The following NOS1AP variants were observed in gnomAD, a reference collection of about 807,000 sequenced individuals.
The protein encoded by NOS1AP is nitric oxide synthase 1 adaptor protein, also known as carboxyl-terminal PDZ ligand of neuronal nitric oxide synthase protein.
NOS1AP carries 21 observed loss-of-function variants against 56.2 expected under a neutral mutation model. The observed-to-expected ratio is 0.37, with a 90% CI of 0.26 to 0.54. NOS1AP has a LOEUF of 0.54. Ranked by LOEUF, NOS1AP falls within the 20% of genes least tolerant of loss-of-function variation. The pLI is 0.84. For synonymous variants in NOS1AP, 270 were observed against 274.6 expected, an observed-to-expected ratio of 0.98 and a Z score of 0.17; for missense variants, 522 against 657.8, an observed-to-expected ratio of 0.79 and a Z score of 2.26.
Position 162,178,919 on chromosome 1 carries a change from C to T in NOS1AP, c.177+24443C>T, listed in dbSNP as rs528857809. Among the ~76,000 whole-genome samples, 20 of 152,238 alleles carry T rather than the reference C, an allele frequency of 1.3e-4. 3 individuals are homozygous for T. Among genetic ancestry groups the T allele is most frequent in the African/African-American group, 4.8e-4 (20 of 41,548 alleles). On this transcript the variant is annotated intron_variant, in intron 2 of 9. Coordinates refer to ENST00000361897, the MANE Select transcript of NOS1AP (RefSeq NM_014697.3). ...AAGACTAGTTTAGTCCGTCTTATAC[C>T]TATCACTCAGGTCCTGGAATTACCA...
intron 2 of NOS1AP, among the ~76,000 whole-genome samples, chr1:162,238,372 G>A (rs1165058322): frequency 6.6e-6 from 1 of 152,110 alleles, no homozygotes; most frequent in African/African-American, 2.4e-5. Context: ...CAGGGGAAGG[G>A]TTAGGGCTTC....
At chr1:162,344,501 G>A (rs1657210818) in intron 6 of NOS1AP, among the ~76,000 whole-genome samples, 1 of 151,978 alleles carries the variant, frequency 6.6e-6, no homozygotes, top group African/African-American at 2.4e-5. Flanking sequence ...TTCAAGACTA[G>A]CCTGGCCAAC....
intron 2 of NOS1AP, among the ~76,000 whole-genome samples, chr1:162,265,906 C>G (rs1483865818): frequency 6.6e-6 from 1 of 152,194 alleles, no homozygotes; most frequent in African/African-American, 2.4e-5. Flanking sequence ...TATCGGAGAT[C>G]TTGACTCCTT....
At chr1:162,134,272 C>T (rs1648883237) in intron 1 of NOS1AP, among the ~76,000 whole-genome samples, 1 of 152,090 alleles carries the variant, frequency 6.6e-6, no homozygotes, top group Admixed American at 6.5e-5. Flanking sequence ...AGACAGATCA[C>T]ATGAGGCCAG....
chr1:162,275,677 G>T (rs1424611655), intron 2 of NOS1AP, among the ~76,000 whole-genome samples: 7 of 152,132 alleles, frequency 4.6e-5, no homozygotes, highest in African/African-American at 1.7e-4. Context: ...CCAGGATTAG[G>T]ATTTTGCAGT....
intron 2 of NOS1AP, among the ~76,000 whole-genome samples, chr1:162,181,719 C>T (rs1458941729): frequency 6.6e-6 from 1 of 152,188 alleles, no homozygotes; most frequent in African/African-American, 2.4e-5. Context: ...TTGATTTGGG[C>T]ACTTCCTTTG....
intron 2 of NOS1AP, among the ~76,000 whole-genome samples, chr1:162,172,960 C>G (rs1351090274): frequency 6.6e-6 from 1 of 150,810 alleles, no homozygotes; most frequent in East Asian, 1.9e-4. Flanking sequence ...CTCAGTCTGT[C>G]ACCCAGGCTG....
chr1:162,148,583 C>T (rs1167897149), intron 1 of NOS1AP, among the ~76,000 whole-genome samples: 2 of 152,188 alleles, frequency 1.3e-5, no homozygotes, highest in African/African-American at 2.4e-5. Flanking sequence ...TGAGGAACTT[C>T]TGAATAATTG....
At position 162,368,759 on chromosome 1, in the gene NOS1AP, T is replaced by G. The variant is rs968635230; in HGVS notation, c.*1292T>G. 15 of 152,248 alleles carry G rather than the reference T, an allele frequency of 9.9e-5. No individual in the cohort carries two copies. The highest frequency in any genetic ancestry group is 3.6e-4 in the African/African-American group (15 of 41,462). The allele number at this position is 152,248 out of a possible 1,614,324, so 9.4% of individuals were successfully genotyped here. On this transcript the variant is annotated 3_prime_UTR_variant, in exon 10 of 10. Coordinates refer to ENST00000361897, the MANE Select transcript of NOS1AP (RefSeq NM_014697.3). Reference sequence around the variant, plus strand: ...GGCTGTTAACAGATTTTCAAATGCCTGAAGAGATTGCTGAGACCTGCTAGA... The same window carrying G: ...GGCTGTTAACAGATTTTCAAATGCCGGAAGAGATTGCTGAGACCTGCTAGA...
chr1:162,302,795 T>C (rs1655706698), intron 4 of NOS1AP, among the ~76,000 whole-genome samples: 1 of 152,202 alleles, frequency 6.6e-6, no homozygotes, highest in South Asian at 2.1e-4. Flanking sequence ...CCTTCTCTCC[T>C]CATTTCTCTC....
rs148292503 is a variant in NOS1AP, at chr1:162,253,166, G to A, written c.178-34178G>A. Among the ~76,000 whole-genome samples the A allele has an allele frequency of 3.7e-3, 568 of 152,218 alleles. 4 individuals carry two copies. The highest frequency in any genetic ancestry group is 0.01 in the Middle Eastern group (3 of 294). On this transcript the variant is annotated intron_variant, in intron 2 of 9. Transcript: ENST00000361897. ...GGGAGTGGGTTTGTTGTAAAAGGGC[G>A]AGTTTGGCCTCCTCTTGTTCTCTTT...
intron 4 of NOS1AP, among the ~76,000 whole-genome samples, chr1:162,310,103 T>C (rs1655976474): frequency 6.6e-6 from 1 of 152,154 alleles, no homozygotes. Flanking sequence ...TCTTCCCTTC[T>C]TCCACATCTT....
rs1209514994 is a variant in NOS1AP at position 162,349,255 on chromosome 1, G to GGTC, written c.595+5279_595+5280insGTC. 1.3e-4 allele frequency among the ~76,000 whole-genome samples: 19 copies of GGTC among 151,874 alleles called. No homozygotes were observed. The East Asian group carries it at 2.9e-3, about 23-fold the overall frequency. On this transcript the variant is annotated intron_variant, in intron 6 of 9. Transcript: ENST00000361897. ...TGAGGTCTTCCCACCTTATGGGGGA[G>GGTC]TAATCGGCTTGGCTCAGAGTCTACT...
intron 2 of NOS1AP, among the ~76,000 whole-genome samples, chr1:162,257,044 G>C (rs947327064): frequency 2.0e-5 from 3 of 152,118 alleles, no homozygotes; most frequent in Non-Finnish European, 4.4e-5. Context: ...AGAGGGCTAG[G>C]GTATTAGGGG....
chr1:162,140,455 A>G (rs990841322), intron 1 of NOS1AP, among the ~76,000 whole-genome samples: 3 of 152,162 alleles, frequency 2.0e-5, no homozygotes, highest in African/African-American at 7.2e-5. Flanking sequence ...ATCTGCATTC[A>G]CATTGCTTCA....
At chr1:162,254,452 C>T (rs1653962923) in intron 2 of NOS1AP, among the ~76,000 whole-genome samples, 1 of 152,134 alleles carries the variant, frequency 6.6e-6, no homozygotes, top group African/African-American at 2.4e-5. Flanking sequence ...TTTTAAAGGG[C>T]AAAGCCATGG....
chr1:162,335,060 T>A (rs1481830214), intron 5 of NOS1AP, among the ~76,000 whole-genome samples: 2 of 152,234 alleles, frequency 1.3e-5, no homozygotes, highest in Non-Finnish European at 2.9e-5. Flanking sequence ...CTTGGAACTT[T>A]GATCTTGAAG....
At chr1:162,202,615 A>G (rs1329511364) in intron 2 of NOS1AP, among the ~76,000 whole-genome samples, 2 of 152,124 alleles carry the variant, frequency 1.3e-5, no homozygotes, top group African/African-American at 4.8e-5. Flanking sequence ...GGTAAATATT[A>G]TGAATAAATT....
At chr1:162,205,358 G>A (rs1238998466) in intron 2 of NOS1AP, among the ~76,000 whole-genome samples, 2 of 152,228 alleles carry the variant, frequency 1.3e-5, no homozygotes, top group Admixed American at 1.3e-4. Flanking sequence ...TTTAGCTAAT[G>A]GGGAGTGGAG....
Sources: gnomAD v4.1 joint callset for allele counts (sites outside exome capture counted in the v4.1 genomes callset) on GRCh38, gnomAD v4.1.1 for gene constraint, MANE v1.5 for transcripts, NCBI Gene and HGNC (gene_info 2026-07-23, HGNC 2026-07-21) for gene names.